UBTD2: variants seen among roughly 807,000 people sequenced by gnomAD.
UBTD2 encodes the protein ubiquitin domain-containing protein 2.
In UBTD2, 9 loss-of-function variants were observed where a neutral mutation model predicts 19.8. That is an observed-to-expected ratio of 0.46 (90% CI 0.27 to 0.79). The LOEUF is 0.79. Ranked by LOEUF, UBTD2 falls within the 30% of genes least tolerant of loss-of-function variation. The pLI, the probability that UBTD2 is intolerant of heterozygous loss-of-function variation, is 0.14. For missense variants in UBTD2, 250 were observed against 300.4 expected, an observed-to-expected ratio of 0.83 and a Z score of 1.24; for synonymous variants, 98 against 103.9, an observed-to-expected ratio of 0.94 and a Z score of 0.35.
At chr5:172,260,065 C>T (rs1755234746) in intron 1 of UBTD2, among the ~76,000 whole-genome samples, 1 of 149,540 alleles carries the variant, frequency 6.7e-6, no homozygotes, top group South Asian at 2.1e-4. Flanking sequence ...CCCACCCCCT[C>T]CCCGCCGCAC....
intron 1 of UBTD2, among the ~76,000 whole-genome samples, chr5:172,276,326 G>C (rs1395187824): frequency 6.6e-6 from 1 of 152,078 alleles, no homozygotes; most frequent in Non-Finnish European, 1.5e-5. Context: ...TTCTCTTCAA[G>C]AGTCCACACT....
chr5:172,255,212 CAGA>C (rs942499159), intron 1 of UBTD2: 53 of 442,464 alleles, frequency 1.2e-4, no homozygotes, highest in East Asian at 8.4e-4. Context: ...AAATTCCCAG[CAGA>C]AGGAGGTGAA....
At chr5:172,237,219 G>A (rs982214845) in intron 1 of UBTD2, among the ~76,000 whole-genome samples, 17 of 152,166 alleles carry the variant, frequency 1.1e-4, no homozygotes, top group South Asian at 1.0e-3. Flanking sequence ...TCAGCCTCTC[G>A]AGTAGCTGGG....
intron 2 of UBTD2, among the ~76,000 whole-genome samples, chr5:172,230,478 T>G (rs774413299): frequency 6.6e-5 from 10 of 152,210 alleles, no homozygotes; most frequent in Non-Finnish European, 1.2e-4. Context: ...TACCGAGCAC[T>G]CTGATCAGCA....
chr5:172,228,880 A>G (rs960513968), intron 2 of UBTD2, among the ~76,000 whole-genome samples: 2 of 152,086 alleles, frequency 1.3e-5, no homozygotes, highest in South Asian at 4.1e-4. Flanking sequence ...TAAAAATTAA[A>G]TTTTATTATA....
At chr5:172,264,107 G>A (rs551174850) in intron 1 of UBTD2, among the ~76,000 whole-genome samples, 13 of 152,120 alleles carry the variant, frequency 8.5e-5, no homozygotes, top group South Asian at 4.2e-4. Flanking sequence ...TTGAAACAGG[G>A]TCTTGCCATC....
At position 172,269,656 on chromosome 5, in the gene UBTD2, T is replaced by C. The variant is rs116517252; in HGVS notation, c.70+13940A>G. Among the ~76,000 whole-genome samples the C allele has an allele frequency of 9.6e-3, 1,433 of 149,974 alleles. 31 individuals are homozygous for C. Among genetic ancestry groups the C allele is most frequent in the African/African-American group, 0.033 (1,343 of 40,538 alleles). On this transcript the variant is annotated intron_variant, in intron 1 of 2. Transcript: ENST00000393792. ...AAAACCCAAGCGGTCTGAAGAATCT[T>C]AGACCAAACTCTTTCCATATGCCAG...
intron 1 of UBTD2, among the ~76,000 whole-genome samples, chr5:172,248,014 G>A (rs1407499250): frequency 6.6e-6 from 1 of 151,820 alleles, no homozygotes; most frequent in Non-Finnish European, 1.5e-5. Context: ...CCAGAAATAA[G>A]GAAAACTGGA....
Position 172,251,626 on chromosome 5 carries a change from GAAA to G in UBTD2, c.71-17271_71-17269del, listed in dbSNP as rs60201763. Among the ~76,000 whole-genome samples the G allele has an allele frequency of 8.7e-3, 1,233 of 142,328 alleles. 4 individuals are homozygous for G. The highest frequency in any genetic ancestry group is 0.011 in the Admixed American group (163 of 14,268). 93.4% of individuals were successfully genotyped at this position (142,328 alleles called of 152,430 possible). Reference sequence around the variant, plus strand: ...ACAGTGGGTATGTTCAAAGTGCAATGAAAAAAAAAAAAAAATGGCAACCAAGAA... The same window carrying G: ...ACAGTGGGTATGTTCAAAGTGCAATGAAAAAAAAAAAATGGCAACCAAGAA... On this transcript the variant is annotated intron_variant, in intron 1 of 2. Transcript: ENST00000393792.
At chr5:172,219,045 T>C (rs1038598502) in intron 2 of UBTD2, among the ~76,000 whole-genome samples, 1 of 152,146 alleles carries the variant, frequency 6.6e-6, no homozygotes, top group African/African-American at 2.4e-5. Context: ...CTAGATAAAA[T>C]GGACCCATTC....
chr5:172,222,953 C>G (rs1023583258), intron 2 of UBTD2, among the ~76,000 whole-genome samples: 1 of 152,146 alleles, frequency 6.6e-6, no homozygotes, highest in Non-Finnish European at 1.5e-5. Flanking sequence ...CAAGACAAAG[C>G]CTGCTGACTG....
At chr5:172,237,584 T>C (rs1348924168) in intron 1 of UBTD2, among the ~76,000 whole-genome samples, 3 of 152,230 alleles carry the variant, frequency 2.0e-5, no homozygotes, top group South Asian at 2.1e-4. Flanking sequence ...CACAGAGCAG[T>C]GCAGAATTTT....
intron 1 of UBTD2, chr5:172,252,457 G>A (rs1755043694): frequency 6.6e-6 from 1 of 152,134 alleles, no homozygotes. Context: ...ATACATACCT[G>A]CTCCCTGCAA....
chr5:172,257,695 G>A (rs1366188303), intron 1 of UBTD2, among the ~76,000 whole-genome samples: 1 of 152,018 alleles, frequency 6.6e-6, no homozygotes, highest in Non-Finnish European at 1.5e-5. Context: ...TCTCATTCTG[G>A]TTCTGATTTA....
At chr5:172,254,520 C>A (rs1201277040) in intron 1 of UBTD2, 7 of 575,552 alleles carry the variant, frequency 1.2e-5, no homozygotes, top group Non-Finnish European at 1.9e-5. Flanking sequence ...AGCAAACGTC[C>A]ATGTGCATCC....
chr5:172,243,860 A>C (rs1772182308), intron 1 of UBTD2, among the ~76,000 whole-genome samples: 1 of 151,976 alleles, frequency 6.6e-6, no homozygotes, highest in South Asian at 2.1e-4. Flanking sequence ...AGCCACCCAG[A>C]TAATGGAATT....
intron 2 of UBTD2, among the ~76,000 whole-genome samples, chr5:172,217,375 C>T (rs186537952): frequency 1.0e-4 from 15 of 145,706 alleles, no homozygotes; most frequent in South Asian, 6.5e-4. Flanking sequence ...GTCGAGATCG[C>T]GCCATTGCAC....
intron 1 of UBTD2, among the ~76,000 whole-genome samples, chr5:172,282,464 A>G (rs898936316): frequency 6.8e-6 from 1 of 146,806 alleles, no homozygotes; most frequent in Non-Finnish European, 1.5e-5. Context: ...CATTAGCCAA[A>G]AAACTTAGGT....
At chr5:172,229,074 A>C (rs1274294913) in intron 2 of UBTD2, among the ~76,000 whole-genome samples, 1 of 152,150 alleles carries the variant, frequency 6.6e-6, no homozygotes. Flanking sequence ...CTCAAAAGCC[A>C]AACTGAAGAA....
Sources: allele counts gnomAD v4.1 joint callset (sites outside exome capture counted in the v4.1 genomes callset), GRCh38; gene constraint gnomAD v4.1.1; transcripts MANE v1.5; gene names NCBI Gene and HGNC (gene_info 2026-07-23, HGNC 2026-07-21).